RBFOX3: variants seen among roughly 807,000 people sequenced by gnomAD.
RBFOX3 encodes RNA binding fox-1 homolog 3.
In RBFOX3, 17 loss-of-function variants were observed where a neutral mutation model predicts 48.7. The observed-to-expected ratio is 0.35, with a 90% CI of 0.24 to 0.52. RBFOX3 has a LOEUF of 0.52. RBFOX3 is among the 20% of genes least tolerant of loss of function. RBFOX3 has a pLI of 0.94. For missense variants in RBFOX3, 382 were observed against 497.5 expected (o/e 0.77, Z 2.21); for synonymous variants, 212 against 209.5 (o/e 1.01, Z -0.10).
intron 1 of RBFOX3, among the ~76,000 whole-genome samples, chr17:79,563,336 G>A (rs894391669): frequency 1.3e-5 from 2 of 152,236 alleles, no homozygotes; most frequent in Non-Finnish European, 2.9e-5. Flanking sequence ...CAGAGACAGC[G>A]GCCTGGTGAG....
intron 2 of RBFOX3, among the ~76,000 whole-genome samples, chr17:79,397,103 A>G (rs2148329597): frequency 6.6e-6 from 1 of 152,342 alleles, no homozygotes; most frequent in South Asian, 2.1e-4. Context: ...CAGTGTTTCC[A>G]GGAGACGCCT....
intron 2 of RBFOX3, among the ~76,000 whole-genome samples, chr17:79,408,596 G>A (rs980968938): frequency 6.6e-6 from 1 of 152,218 alleles, no homozygotes; most frequent in Non-Finnish European, 1.5e-5. Flanking sequence ...GGTTGCTAAG[G>A]GGGTGCTGGA....
At chr17:79,508,759 C>T in intron 1 of RBFOX3, 1 of 152,604 alleles carries the variant, frequency 6.6e-6, no homozygotes, top group Non-Finnish European at 1.5e-5. Context: ...ACACCCCGCA[C>T]ACCCCACACA....
chr17:79,478,079 T>C (rs2078210313), intron 2 of RBFOX3, among the ~76,000 whole-genome samples: 1 of 152,190 alleles, frequency 6.6e-6, no homozygotes, highest in Non-Finnish European at 1.5e-5. Flanking sequence ...GCAACGCTCA[T>C]GTGCTCCAGG....
intron 2 of RBFOX3, among the ~76,000 whole-genome samples, chr17:79,378,756 G>A (rs1383683830): frequency 1.3e-5 from 2 of 152,202 alleles, no homozygotes; most frequent in East Asian, 1.9e-4. Context: ...CTCCAGTAGG[G>A]GCTAATGGAT....
chr17:79,270,312 G>C (rs4789878), intron 3 of RBFOX3, among the ~76,000 whole-genome samples: 110,421 of 151,942 alleles, frequency 0.73, 40,279 homozygotes, highest in Middle Eastern at 0.9. Context: ...AACCATCTCT[G>C]CAGGTGTACT....
chr17:79,313,122 G>A (rs1382075313), intron 2 of RBFOX3, among the ~76,000 whole-genome samples: 2 of 152,194 alleles, frequency 1.3e-5, no homozygotes, highest in African/African-American at 4.8e-5. Context: ...ACTAAGGTCA[G>A]CCAGCTGCAG....
intron 2 of RBFOX3, among the ~76,000 whole-genome samples, chr17:79,322,127 A>G (rs72849045): frequency 0.088 from 13,327 of 152,244 alleles, 642 homozygotes; most frequent in Middle Eastern, 0.11. Context: ...GGGCCAGGAA[A>G]AAAGAGATGG....
intron 2 of RBFOX3, among the ~76,000 whole-genome samples, chr17:79,413,639 GC>G (rs981180318): frequency 1.1e-4 from 16 of 152,202 alleles, no homozygotes; most frequent in African/African-American, 3.9e-4. Context: ...CAGCGTTGCA[GC>G]CCCAGTGAGA....
chr17:79,225,036 C>T (rs758302404), intron 4 of RBFOX3, among the ~76,000 whole-genome samples: 1 of 152,170 alleles, frequency 6.6e-6, no homozygotes, highest in Non-Finnish European at 1.5e-5. Context: ...AGCCTTGTGG[C>T]GCACCATTAG....
chr17:79,404,868 C>G (rs1257227954), intron 2 of RBFOX3, among the ~76,000 whole-genome samples: 1 of 152,192 alleles, frequency 6.6e-6, no homozygotes, highest in Non-Finnish European at 1.5e-5. Flanking sequence ...GTTTGACCTC[C>G]CAGCTAGTCT....
intron 3 of RBFOX3, among the ~76,000 whole-genome samples, chr17:79,304,431 A>C (rs921824257): frequency 2.0e-5 from 3 of 149,222 alleles, no homozygotes; most frequent in Non-Finnish European, 4.4e-5. Flanking sequence ...ATATATTTTG[A>C]TATATATGTG....
At chr17:79,135,325 C>A (rs977511766) in intron 4 of RBFOX3, among the ~76,000 whole-genome samples, 4 of 152,132 alleles carry the variant, frequency 2.6e-5, no homozygotes, top group African/African-American at 9.7e-5. Flanking sequence ...GGGGAAGGAG[C>A]CAGGCCACCT....
Position 79,195,562 on chromosome 17 carries a change from C to T in RBFOX3, c.-34+40204G>A, listed in dbSNP as rs1013342171. 1.3e-5 allele frequency among the ~76,000 whole-genome samples: 2 copies of T among 152,224 alleles called. No individual in the cohort carries two copies. The highest frequency in any genetic ancestry group is 2.1e-4 in the South Asian group (1 of 4,828). On this transcript the variant is annotated intron_variant, in intron 4 of 14. Transcript: ENST00000693108. The surrounding 1 kb of genome is among the most constrained non-coding windows in gnomAD (Gnocchi z 5.3). ...AAAGGGTCTGCTCCATTTCAGTCTA[C>T]GTTTCTTGGTTTCTGTCTGCTCTAT...
At chr17:79,616,872 A>G in the RBFOX3 span, among the ~76,000 whole-genome samples, 1 of 152,178 alleles carries the variant, frequency 6.6e-6, no homozygotes, top group Non-Finnish European at 1.5e-5. Context: ...GCTCCATGGA[A>G]TGTAGGTCAC....
intron 3 of RBFOX3, among the ~76,000 whole-genome samples, chr17:79,265,983 T>C (rs2066631736): frequency 6.6e-6 from 1 of 152,222 alleles, no homozygotes; most frequent in Non-Finnish European, 1.5e-5. Context: ...AAACACTGTG[T>C]AAATCCATTC....
intron 4 of RBFOX3, among the ~76,000 whole-genome samples, chr17:79,202,545 C>T (rs972337515): frequency 5.9e-5 from 9 of 152,226 alleles, no homozygotes; most frequent in South Asian, 2.1e-4. Context: ...CCCCATGGGA[C>T]GGTTATGACT....
intron 1 of RBFOX3, among the ~76,000 whole-genome samples, chr17:79,548,603 G>A (rs1293035412): frequency 2.6e-5 from 4 of 152,246 alleles, no homozygotes; most frequent in East Asian, 1.9e-4. Context: ...GCTGGAGAGG[G>A]GCCCAGCTCA....
chr17:79,234,524 G>A (rs983986883), intron 4 of RBFOX3: 3 of 152,080 alleles, frequency 2.0e-5, no homozygotes, highest in African/African-American at 4.8e-5. Context: ...AAAACGCAGC[G>A]CTGGCCTTGT....
Sources: allele counts gnomAD v4.1 joint callset (sites outside exome capture counted in the v4.1 genomes callset), GRCh38; gene constraint gnomAD v4.1.1; non-coding constraint Gnocchi (gnomAD v3.1); transcripts MANE v1.5; gene names NCBI Gene and HGNC (gene_info 2026-07-23, HGNC 2026-07-21).